The following PATJ variants were observed in gnomAD, a reference collection of about 807,000 sequenced individuals.
PATJ encodes inaD-like protein.
A neutral mutation model predicts 224.9 loss-of-function variants in PATJ; 190 were observed. The observed-to-expected ratio is 0.84, with a 90% CI of 0.75 to 0.95. The LOEUF (loss-of-function observed/expected upper bound fraction) is 0.95, where lower values mean the gene tolerates loss of function less well. PATJ is among the 40% of genes least tolerant of loss of function. The pLI is 0.00. For synonymous variants in PATJ, 769 were observed against 820.3 expected, an observed-to-expected ratio of 0.94 and a Z score of 1.07; for missense variants, 2,121 against 2,270.3, an observed-to-expected ratio of 0.93 and a Z score of 1.34.
intron 20 of PATJ, among the ~76,000 whole-genome samples, chr1:61,868,906 A>G (rs1337986569): frequency 3.3e-5 from 5 of 152,180 alleles, no homozygotes; most frequent in Non-Finnish European, 7.3e-5. Flanking sequence ...TAAGGCATTA[A>G]CAGGAGAATA....
chr1:61,840,473 T>C (rs953997560), intron 17 of PATJ, among the ~76,000 whole-genome samples: 2 of 151,974 alleles, frequency 1.3e-5, no homozygotes, highest in African/African-American at 4.8e-5. Flanking sequence ...TATACATGGT[T>C]ATATAAGTAA....
At chr1:62,148,450 T>C in intron 42 of PATJ, 60 bp downstream of exon 42, 1 of 1,230,262 alleles carries the variant, frequency 8.1e-7, no homozygotes, top group Non-Finnish European at 1.2e-6. Flanking sequence ...GAAGAACTTT[T>C]CCAGACACTC....
chr1:61,857,688 C>T (rs1482195452), intron 18 of PATJ, among the ~76,000 whole-genome samples: 1 of 152,200 alleles, frequency 6.6e-6, no homozygotes, highest in Non-Finnish European at 1.5e-5. Context: ...AGTTAAAATG[C>T]AGTTTCCCAG....
intron 31 of PATJ, among the ~76,000 whole-genome samples, chr1:62,058,159 C>T (rs1485918920): frequency 3.9e-5 from 6 of 152,108 alleles, no homozygotes; most frequent in Non-Finnish European, 8.8e-5. Flanking sequence ...CTTGGAGTTT[C>T]TTTGTGGAGA....
intron 27 of PATJ, among the ~76,000 whole-genome samples, chr1:61,976,209 C>T (rs1430739294): frequency 1.3e-5 from 2 of 151,948 alleles, no homozygotes; most frequent in Non-Finnish European, 2.9e-5. Flanking sequence ...GTGAACATAA[C>T]GTGCTTCTTT....
At chr1:62,148,509 A>G in intron 42 of PATJ, 119 bp downstream of exon 42, 1 of 693,648 alleles carries the variant, frequency 1.4e-6, no homozygotes, top group Non-Finnish European at 2.6e-6. Context: ...ACTTTTTCTA[A>G]ATTCTAGGGA....
Position 62,153,441 on chromosome 1 carries a change from A to G in PATJ, c.5462A>G (p.His1821Arg), listed in dbSNP as rs939628567. ...ATTGTAGGGGGTTATGGAAGTCCCC[A>G]TGGAGACCTGCCAATTTATGTCAAG... is the stretch of plus-strand genomic sequence containing the variant. ...FSIVGGYGSP[H>R]GDLPIYVKTV... The change falls in exon 43 of 44, where the codon CAT (histidine) becomes CGT (arginine). Residue 1821 changes from histidine (H) to arginine (R), a missense_variant. Coordinates refer to ENST00000642238, the MANE Select transcript of PATJ (RefSeq NM_001350145.3). The G allele has an allele frequency of 8.1e-7, 1 of 1,231,432 alleles. No individual in the cohort carries two copies. Among genetic ancestry groups the G allele is most frequent in the African/African-American group, 1.6e-5 (1 of 64,418 alleles). 76.3% of individuals were successfully genotyped at this position (1,231,432 alleles called of 1,614,324 possible). A position where few individuals can be genotyped will look rare whatever the true frequency, so the allele number is the denominator to read the frequency against.
At chr1:61,771,750 G>A (rs943118698) in intron 6 of PATJ, 124 bp downstream of exon 6, 56 of 701,460 alleles carry the variant, frequency 8.0e-5, no homozygotes, top group Admixed American at 4.5e-4. Context: ...ATGGAGTTTC[G>A]CTCTTGTTGC....
At chr1:61,980,822 A>G (rs1644414161) in intron 27 of PATJ, among the ~76,000 whole-genome samples, 2 of 152,186 alleles carry the variant, frequency 1.3e-5, no homozygotes, top group South Asian at 4.1e-4. Flanking sequence ...GAGGAGTGCT[A>G]CCATTTCTCT....
At position 61,867,362 on chromosome 1, in the gene PATJ, T is replaced by G. The variant is rs140869188; in HGVS notation, c.2835+2729T>G. Among the ~76,000 whole-genome samples the G allele has an allele frequency of 1.1e-3, 163 of 152,344 alleles. 4 individuals are homozygous for G. In the East Asian group the frequency reaches 0.026, roughly 24 times the overall value. On this transcript the variant is annotated intron_variant, in intron 20 of 43. Transcript: ENST00000642238. Reference sequence around the variant, plus strand: ...TGTTAAATTTCCTAGCTTCCCTCTTTTTATTTCTCATTACTGATTCAGCCA... The same window carrying G: ...TGTTAAATTTCCTAGCTTCCCTCTTGTTATTTCTCATTACTGATTCAGCCA...
chr1:61,778,213 G>A (rs1367312702), intron 7 of PATJ, among the ~76,000 whole-genome samples: 2 of 151,966 alleles, frequency 1.3e-5, no homozygotes, highest in Non-Finnish European at 2.9e-5. Flanking sequence ...AGACAGTCTC[G>A]CTTTGTTTCC....
chr1:62,119,028 C>T (rs920579482), intron 37 of PATJ, among the ~76,000 whole-genome samples: 2 of 152,036 alleles, frequency 1.3e-5, no homozygotes, highest in East Asian at 1.9e-4. Flanking sequence ...CCTATCGTCT[C>T]CACTTACCTG....
chr1:61,802,739 AT>A (rs919798860), intron 12 of PATJ, among the ~76,000 whole-genome samples: 17 of 151,938 alleles, frequency 1.1e-4, no homozygotes, highest in African/African-American at 2.2e-4. Flanking sequence ...TTATTCTTTA[AT>A]TTTTTTTAAT....
chr1:61,766,283 A>G lies in PATJ; in HGVS notation c.194A>G (p.Asn65Ser), dbSNP rs1455825021. 7 of 1,599,734 alleles carry G rather than the reference A, an allele frequency of 4.4e-6. No individual in the cohort carries two copies. The African/African-American group carries it at 5.4e-5, about 12-fold the overall frequency. ...QSIKQLKGQL[N>S]HIPSDCSANF... is the part of the protein sequence containing the mutation. ...CTTTTTTTTTCTCTCCAACAGCTCAACCATATACCCTCAGATTGTTCAGCC... is the reference window on the plus strand; with the variant it reads ...CTTTTTTTTTCTCTCCAACAGCTCAGCCATATACCCTCAGATTGTTCAGCC... Residue 65 changes from asparagine (N) to serine (S), a missense_variant, in exon 4 of 44, where the codon AAC becomes AGC. Asn to Ser is a conservative substitution (Grantham distance 46). Coordinates refer to ENST00000642238, the MANE Select transcript of PATJ (RefSeq NM_001350145.3).
chr1:62,043,600 C>T (rs1261432736), intron 30 of PATJ, among the ~76,000 whole-genome samples: 1 of 152,124 alleles, frequency 6.6e-6, no homozygotes, highest in East Asian at 1.9e-4. Flanking sequence ...TCCCAGCCTC[C>T]AGCATCTTCC....
chr1:61,962,086 ACT>A (rs905860383), intron 27 of PATJ, among the ~76,000 whole-genome samples: 1 of 151,594 alleles, frequency 6.6e-6, no homozygotes, highest in African/African-American at 2.4e-5. Flanking sequence ...ACCTTTCCTG[ACT>A]CTCTCAGTTA....
At chr1:61,931,576 C>G (rs866022740) in intron 27 of PATJ, among the ~76,000 whole-genome samples, 1 of 152,120 alleles carries the variant, frequency 6.6e-6, no homozygotes, top group Admixed American at 6.5e-5. Context: ...CCAGCCTGGG[C>G]AACATGGCAA....
intron 22 of PATJ, among the ~76,000 whole-genome samples, chr1:61,890,291 C>G (rs1339858221): frequency 2.0e-5 from 3 of 152,116 alleles, no homozygotes; most frequent in Admixed American, 6.6e-5. Flanking sequence ...CGAGCCTGGG[C>G]AACATAGTGA....
intron 27 of PATJ, among the ~76,000 whole-genome samples, chr1:61,950,607 A>G (rs190921795): frequency 3.9e-5 from 6 of 152,356 alleles, no homozygotes; most frequent in African/African-American, 1.4e-4. Context: ...ATCAACAGCA[A>G]TTATTACCAA....
Sources: allele counts gnomAD v4.1 joint callset (sites outside exome capture counted in the v4.1 genomes callset), GRCh38; gene constraint gnomAD v4.1.1; transcripts MANE v1.5; gene names NCBI Gene and HGNC (gene_info 2026-07-23, HGNC 2026-07-21).